LRGUK: variants seen among roughly 807,000 people sequenced by gnomAD.
LRGUK encodes the protein leucine rich repeats and guanylate kinase domain containing, also known as leucine-rich repeat and guanylate kinase domain-containing protein.
Under a neutral mutation model 76.0 loss-of-function variants are expected in LRGUK, and 65 were observed. The observed-to-expected ratio is 0.85, with a 90% CI of 0.70 to 1.05. The LOEUF is 1.05. Ranked by LOEUF, LRGUK falls within the 50% of genes least tolerant of loss-of-function variation. LRGUK has a pLI of 0.00. For missense variants in LRGUK, 758 were observed against 732.8 expected, an observed-to-expected ratio of 1.03 and a Z score of -0.40; for synonymous variants, 268 against 265.6, an observed-to-expected ratio of 1.01 and a Z score of -0.09.
intron 16 of LRGUK, among the ~76,000 whole-genome samples, chr7:134,229,469 G>A (rs1485491626): frequency 6.6e-6 from 1 of 151,846 alleles, no homozygotes; most frequent in African/African-American, 2.4e-5. Context: ...AATAAAAGGT[G>A]TATAATGCCT....
chr7:134,237,938 C>T (rs573478709), intron 16 of LRGUK, among the ~76,000 whole-genome samples: 29 of 152,294 alleles, frequency 1.9e-4, no homozygotes, highest in Admixed American at 5.9e-4. Flanking sequence ...CATTAAATTA[C>T]TCCGTTGATT....
At chr7:134,181,984 A>G (rs1799772195) in intron 10 of LRGUK, among the ~76,000 whole-genome samples, 1 of 152,188 alleles carries the variant, frequency 6.6e-6, no homozygotes, top group Non-Finnish European at 1.5e-5. Context: ...ATACTCTATA[A>G]TAGCCATAGC....
At chr7:134,199,371 T>G in exon 14 of LRGUK, 1 of 1,613,858 alleles carries the variant, frequency 6.2e-7, no homozygotes. Flanking sequence ...GACCTTTATA[T>G]TAAAATTAAT....
chr7:134,223,205 G>A (rs898311361), intron 16 of LRGUK, among the ~76,000 whole-genome samples: 1 of 152,170 alleles, frequency 6.6e-6, no homozygotes, highest in Non-Finnish European at 1.5e-5. Flanking sequence ...ACTCTCATGC[G>A]CCATCCAGCC....
At chr7:134,188,677 A>G (rs1343872138) in intron 11 of LRGUK, among the ~76,000 whole-genome samples, 1 of 152,146 alleles carries the variant, frequency 6.6e-6, no homozygotes, top group African/African-American at 2.4e-5. Flanking sequence ...TGCATTGGGT[A>G]TTCAGACCAA....
chr7:134,145,533 T>C (rs763357545), intron 4 of LRGUK, among the ~76,000 whole-genome samples: 11 of 152,124 alleles, frequency 7.2e-5, no homozygotes, highest in Non-Finnish European at 1.5e-4. Flanking sequence ...AGGTGTGAGC[T>C]GCTGCGCCTG....
At chr7:134,181,946 A>G (rs1218520649) in intron 10 of LRGUK, among the ~76,000 whole-genome samples, 1 of 152,148 alleles carries the variant, frequency 6.6e-6, no homozygotes, top group East Asian at 1.9e-4. Context: ...CAAGATATAG[A>G]GCAGTTTTAT....
At chr7:134,198,368 G>T (rs1024369611) in intron 13 of LRGUK, among the ~76,000 whole-genome samples, 15 of 152,190 alleles carry the variant, frequency 9.9e-5, no homozygotes, top group Non-Finnish European at 4.4e-5. Context: ...TTTCCAGGAG[G>T]TTGAGTCTAT....
At chr7:134,170,244 G>C (rs1364061245) in intron 7 of LRGUK, among the ~76,000 whole-genome samples, 2 of 151,856 alleles carry the variant, frequency 1.3e-5, no homozygotes, top group Non-Finnish European at 2.9e-5. Flanking sequence ...AAACACATTT[G>C]AAAGTAATTT....
intron 7 of LRGUK, among the ~76,000 whole-genome samples, chr7:134,171,994 C>G (rs1799274754): frequency 6.6e-6 from 1 of 152,256 alleles, no homozygotes; most frequent in African/African-American, 2.4e-5. Context: ...TCATCCTACC[C>G]ATGGAAGGCC....
chr7:134,269,774 T>C, the LRGUK span, among the ~76,000 whole-genome samples: 2 of 152,164 alleles, frequency 1.3e-5, no homozygotes, highest in Admixed American at 6.5e-5. Context: ...CCAAGTGGGA[T>C]TTAATCCAGA....
intron 16 of LRGUK, among the ~76,000 whole-genome samples, chr7:134,240,115 AG>A (rs1317677475): frequency 6.6e-6 from 1 of 152,222 alleles, no homozygotes; most frequent in Non-Finnish European, 1.5e-5. Flanking sequence ...AGAGCAGAAA[AG>A]CTGAAAATTC....
chr7:134,134,850 A>G (rs1036162982), intron 1 of LRGUK, among the ~76,000 whole-genome samples: 1 of 152,228 alleles, frequency 6.6e-6, no homozygotes, highest in African/African-American at 2.4e-5. Flanking sequence ...TTCATCAATT[A>G]GTAGTAACAG....
chr7:134,248,943 C>A lies in LRGUK; in HGVS notation c.2073-8C>A, dbSNP rs1802376629. The stretch of plus-strand genomic sequence containing the variant: ...GGTTTTTTTTTTTTTTTAAATTTCC[C>A]ATTCCAGGGGTCCAGTACCAGCACC... On this transcript the variant is annotated splice_region_variant and splice_polypyrimidine_tract_variant and intron_variant, in intron 17 of 19. Transcript: ENST00000285928. 6.9e-7 allele frequency: 1 copy of A among 1,441,058 alleles called. No homozygotes were observed. Among genetic ancestry groups the A allele is most frequent in the Non-Finnish European group, 9.2e-7 (1 of 1,088,764 alleles). 89.3% of individuals were successfully genotyped at this position (1,441,058 alleles called of 1,614,324 possible). A position where few individuals can be genotyped will look rare whatever the true frequency, so the allele number is the denominator to read the frequency against.
At chr7:134,258,430 G>T in intron 19 of LRGUK, 25 bp downstream of exon 19, 1 of 1,606,298 alleles carries the variant, frequency 6.2e-7, no homozygotes, top group Non-Finnish European at 8.5e-7. Flanking sequence ...AAGCGCGGTG[G>T]CTCATGCCTG....
At chr7:134,263,879 G>A (rs752690638) in exon 20 of LRGUK, 20 of 1,610,830 alleles carry the variant, frequency 1.2e-5, no homozygotes, top group Non-Finnish European at 1.4e-5. Flanking sequence ...ATGAAAAAGA[G>A]TCTCACCAAC....
rs113939943 is a variant in LRGUK, at chr7:134,258,485, G to A, written c.2347+80G>A. On this transcript the variant is annotated intron_variant, in intron 19 of 19. Transcript: ENST00000285928. Reference sequence around the variant, plus strand: ...GGCCGAGGCGAATGGATCTCCTGACGTCAGGAGTTCGAGACCAGCCTGGCC... The same window carrying A: ...GGCCGAGGCGAATGGATCTCCTGACATCAGGAGTTCGAGACCAGCCTGGCC... 1,945 of 1,374,412 alleles carry A rather than the reference G, an allele frequency of 1.4e-3. 28 individuals carry two copies. The African/African-American group carries it at 0.022, about 15-fold the overall frequency. 85.1% of individuals were successfully genotyped at this position (1,374,412 alleles called of 1,614,324 possible).
chr7:134,212,100 C>G (rs1801297821), downstream of LRGUK, among the ~76,000 whole-genome samples: 1 of 152,214 alleles, frequency 6.6e-6, no homozygotes, highest in Admixed American at 6.5e-5. Context: ...CCTCTGGAAG[C>G]TCCCACTACT....
rs73441305 is a variant in LRGUK, at chr7:134,189,404, A to G, written c.1335-2251A>G. Among the ~76,000 whole-genome samples, 1,250 of 152,292 alleles carry G rather than the reference A, an allele frequency of 8.2e-3. 23 individuals are homozygous for G. Among genetic ancestry groups the G allele is most frequent in the African/African-American group, 0.029 (1,212 of 41,546 alleles). On this transcript the variant is annotated intron_variant, in intron 11 of 15. Coordinates refer to ENST00000645682, the Ensembl canonical transcript of LRGUK. ...TGAGATGTTCATATTTGGGCAGCAT[A>G]TAACACGGTGAACATTTCTATATGT...
Sources: allele counts gnomAD v4.1 joint callset (sites outside exome capture counted in the v4.1 genomes callset), GRCh38; gene constraint gnomAD v4.1.1; transcripts MANE v1.5; gene names NCBI Gene and HGNC (gene_info 2026-07-23, HGNC 2026-07-21).